The following RBFOX1 variants were observed in gnomAD, a reference collection of about 807,000 sequenced individuals.
RBFOX1 encodes RNA binding fox-1 homolog 1.
In RBFOX1, 8 loss-of-function variants were observed where a neutral mutation model predicts 57.7. That is an observed-to-expected ratio of 0.14 (90% CI 0.08 to 0.25). The LOEUF is 0.25. RBFOX1 is among the 10% of genes least tolerant of loss of function. The probability of loss-of-function intolerance (pLI) is 1.00; values close to 1 mark genes in which losing one functional copy is unlikely to be tolerated. For missense variants in RBFOX1, 611 were observed against 548.5 expected (o/e 1.11, Z -1.14); for synonymous variants, 326 against 222.4 (o/e 1.47, Z -4.15).
At position 5,956,665 on chromosome 16, in the gene RBFOX1, TATATATA is replaced by T. The variant is rs1359564878; in HGVS notation, c.351+89331_351+89337del. Among the ~76,000 whole-genome samples, 110 of 49,270 alleles carry T rather than the reference TATATATA, an allele frequency of 2.2e-3. 1 individual carries two copies. The highest frequency in any genetic ancestry group is 0.01 in the African/African-American group (103 of 9,926). The allele number at this position is 49,270 out of a possible 152,430, so 32.3% of individuals were successfully genotyped here. On this transcript the variant is annotated intron_variant, in intron 4 of 19. Coordinates refer to the RBFOX1 transcript ENST00000641259. ...ATATATATATATATATATTTATATA[TATATATA>T]TATATATTTTTTTTGAGGCACAGTC...
chr16:5,768,346 A>T (rs530771722), intron 3 of RBFOX1, among the ~76,000 whole-genome samples: 9 of 152,250 alleles, frequency 5.9e-5, no homozygotes, highest in African/African-American at 2.2e-4. Context: ...AGGCTGCTGA[A>T]ATGTTAGAGT....
intron 2 of RBFOX1, among the ~76,000 whole-genome samples, chr16:5,552,690 G>C (rs1047965393): frequency 6.6e-6 from 1 of 152,172 alleles, no homozygotes; most frequent in African/African-American, 2.4e-5. Flanking sequence ...TATTCTGCCA[G>C]CCTTCCCTCT....
chr16:6,772,238 A>G (rs1018344700), intron 3 of RBFOX1, among the ~76,000 whole-genome samples: 13 of 152,064 alleles, frequency 8.5e-5, no homozygotes, highest in African/African-American at 2.4e-4. Context: ...TTTTTTTAAT[A>G]TCATATTTTA....
chr16:6,999,959 C>G (rs1403323271), intron 3 of RBFOX1, among the ~76,000 whole-genome samples: 1 of 151,672 alleles, frequency 6.6e-6, no homozygotes, highest in Non-Finnish European at 1.5e-5. Flanking sequence ...GTAATTTCAG[C>G]TACTCCAGAG....
At chr16:6,585,055 C>A (rs933893529) in intron 2 of RBFOX1, among the ~76,000 whole-genome samples, 1 of 152,144 alleles carries the variant, frequency 6.6e-6, no homozygotes, top group Admixed American at 6.5e-5. Context: ...GGCATCACTT[C>A]TTCTCTGAGA....
intron 1 of RBFOX1, among the ~76,000 whole-genome samples, chr16:6,238,206 A>G (rs2097521694): frequency 6.6e-6 from 1 of 151,984 alleles, no homozygotes; most frequent in African/African-American, 2.4e-5. Flanking sequence ...TATTACAGTG[A>G]TGGCATTAGG....
chr16:6,102,383 T>G (rs2096323148), intron 1 of RBFOX1, among the ~76,000 whole-genome samples: 1 of 152,192 alleles, frequency 6.6e-6, no homozygotes, highest in African/African-American at 2.4e-5. Flanking sequence ...AGTTTTTATT[T>G]CATATGATCA....
At position 5,349,977 on chromosome 16, in the gene RBFOX1, T is replaced by G. The variant is rs184422779; in HGVS notation, c.219+109872T>G. On this transcript the variant is annotated intron_variant, in intron 1 of 2. Transcript: ENST00000585867. ...CTCCTCTATAATTACCCAGGCTAAT[T>G]AAATAAATTGATCTGCTGATGTACA... 5.3e-5 allele frequency among the ~76,000 whole-genome samples: 8 copies of G among 152,352 alleles called. No individual in the cohort carries two copies. The East Asian group carries it at 1.5e-3, about 29-fold the overall frequency.
chr16:5,750,207 G>A (rs118005150), intron 3 of RBFOX1, among the ~76,000 whole-genome samples: 2,567 of 152,280 alleles, frequency 0.017, 34 homozygotes, highest in South Asian at 0.024. Context: ...AAATGTTGCT[G>A]CCCGATCATT....
chr16:6,161,755 G>A (rs1428281232), intron 1 of RBFOX1, among the ~76,000 whole-genome samples: 1 of 152,158 alleles, frequency 6.6e-6, no homozygotes, highest in Non-Finnish European at 1.5e-5. Context: ...ATGAGCTTCT[G>A]GTTTCTGTCT....
chr16:5,924,224 C>T (rs1041459953), intron 4 of RBFOX1, among the ~76,000 whole-genome samples: 15 of 152,148 alleles, frequency 9.9e-5, no homozygotes, highest in African/African-American at 3.6e-4. Context: ...GTCAATTAAA[C>T]CTCTTTCCTT....
intron 5 of RBFOX1, among the ~76,000 whole-genome samples, chr16:7,532,560 T>A (rs1199857883): frequency 6.6e-6 from 1 of 152,212 alleles, no homozygotes; most frequent in Non-Finnish European, 1.5e-5. Context: ...CCTTGCCTAG[T>A]CTAGCTGTGG....
intron 4 of RBFOX1, among the ~76,000 whole-genome samples, chr16:5,908,308 A>G (rs2058525128): frequency 6.8e-6 from 1 of 147,170 alleles, no homozygotes; most frequent in Non-Finnish European, 1.5e-5. Flanking sequence ...ATATACACAC[A>G]TATATACACA....
At chr16:7,264,233 A>G (rs932604349) in intron 4 of RBFOX1, among the ~76,000 whole-genome samples, 5 of 152,214 alleles carry the variant, frequency 3.3e-5, no homozygotes, top group Admixed American at 1.3e-4. Context: ...GTAAATATGA[A>G]GGAAAAAGGG....
chr16:7,000,336 A>C (rs1295493485), intron 3 of RBFOX1, among the ~76,000 whole-genome samples: 5 of 152,066 alleles, frequency 3.3e-5, no homozygotes, highest in African/African-American at 7.2e-5. Flanking sequence ...AATTAAAATT[A>C]GTCGATACAT....
intron 2 of RBFOX1, among the ~76,000 whole-genome samples, chr16:6,625,916 T>C (rs1366790007): frequency 2.0e-5 from 3 of 152,222 alleles, no homozygotes; most frequent in Admixed American, 6.5e-5. Context: ...TGATCCCATG[T>C]AAAGTTTACG....
chr16:7,319,489 C>G (rs1425191294), intron 4 of RBFOX1, among the ~76,000 whole-genome samples: 1 of 152,096 alleles, frequency 6.6e-6, no homozygotes, highest in Non-Finnish European at 1.5e-5. Flanking sequence ...GTTTGTATGT[C>G]TGGGTCTGAA....
intron 4 of RBFOX1, among the ~76,000 whole-genome samples, chr16:7,276,106 C>G (rs567476161): frequency 6.6e-6 from 1 of 152,296 alleles, no homozygotes; most frequent in Admixed American, 6.5e-5. Context: ...GGAAACCAGA[C>G]AAATCAGGCT....
chr16:7,308,466 A>G (rs1290768855), intron 4 of RBFOX1, among the ~76,000 whole-genome samples: 1 of 152,200 alleles, frequency 6.6e-6, no homozygotes, highest in Non-Finnish European at 1.5e-5. Context: ...AAATTTAAAA[A>G]TACGTCAAAT....
Sources: allele counts gnomAD v4.1 joint callset (sites outside exome capture counted in the v4.1 genomes callset), GRCh38; gene constraint gnomAD v4.1.1; transcripts MANE v1.5; gene names NCBI Gene and HGNC (gene_info 2026-07-23, HGNC 2026-07-21).